SEMA3A: variants seen among roughly 807,000 people sequenced by gnomAD.
SEMA3A encodes the protein semaphorin-3A.
A neutral mutation model predicts 97.9 loss-of-function variants in SEMA3A; 29 were observed. That is an observed-to-expected ratio of 0.30 (90% CI 0.22 to 0.40). The LOEUF is 0.40. SEMA3A is among the 10% of genes least tolerant of loss of function. The probability of loss-of-function intolerance (pLI) is 1.00; values close to 1 mark genes in which losing one functional copy is unlikely to be tolerated. For synonymous variants in SEMA3A, 321 were observed against 323.7 expected, an observed-to-expected ratio of 0.99 and a Z score of 0.09; for missense variants, 763 against 951.3, an observed-to-expected ratio of 0.80 and a Z score of 2.60.
intron 4 of SEMA3A, among the ~76,000 whole-genome samples, chr7:84,081,852 T>C (rs886160163): frequency 2.0e-5 from 3 of 152,100 alleles, no homozygotes; most frequent in Non-Finnish European, 2.9e-5. Context: ...TATGACTTAA[T>C]GTTACATGTT....
intron 5 of SEMA3A, among the ~76,000 whole-genome samples, chr7:84,049,736 T>C (rs7458431): frequency 0.55 from 83,213 of 151,218 alleles, 25,004 homozygotes; most frequent in Non-Finnish European, 0.67. Flanking sequence ...TATTATACTT[T>C]AAGTTTTAGG....
intron 2 of SEMA3A, among the ~76,000 whole-genome samples, chr7:84,329,990 T>C (rs1345006005): frequency 6.6e-6 from 1 of 151,992 alleles, no homozygotes; most frequent in Non-Finnish European, 1.5e-5. Flanking sequence ...ATAATAGTGA[T>C]TTTGGGCCAA....
intron 1 of SEMA3A, among the ~76,000 whole-genome samples, chr7:84,490,197 A>G (rs1011102614): frequency 1.5e-5 from 2 of 130,488 alleles, no homozygotes; most frequent in African/African-American, 6.1e-5. Context: ...ATGCTTTTCC[A>G]GCAAAAAAAA....
rs145087339 is a variant in SEMA3A, at chr7:83,996,478, T to C, written c.1452+5477A>G. ...CCACCACGCCAGGCTAATTTTTGTA[T>C]TGTTAGTAGAGACGGGGTTTCATTA... is the stretch of plus-strand genomic sequence containing the variant. On this transcript the variant is annotated intron_variant, in intron 12 of 16. Coordinates refer to ENST00000265362, the MANE Select transcript of SEMA3A (RefSeq NM_006080.3). Among the ~76,000 whole-genome samples, 1,035 of 152,034 alleles carry C rather than the reference T, an allele frequency of 6.8e-3. 2 individuals carry two copies. The highest frequency in any genetic ancestry group is 0.011 in the Non-Finnish European group (730 of 67,990).
chr7:83,995,843 C>T (rs1432216630), intron 12 of SEMA3A, among the ~76,000 whole-genome samples: 1 of 152,126 alleles, frequency 6.6e-6, no homozygotes, highest in African/African-American at 2.4e-5. Flanking sequence ...TCTGACATAG[C>T]CTATTGGAGG....
intron 3 of SEMA3A, among the ~76,000 whole-genome samples, chr7:84,277,896 C>A (rs73384863): frequency 8.5e-4 from 129 of 152,214 alleles, no homozygotes; most frequent in African/African-American, 2.9e-3. Context: ...ATGCAAATTG[C>A]TCTAGCAAGT....
intron 3 of SEMA3A, among the ~76,000 whole-genome samples, chr7:84,126,409 T>C (rs1282340312): frequency 6.6e-6 from 1 of 152,114 alleles, no homozygotes; most frequent in East Asian, 1.9e-4. Flanking sequence ...CTTCACCATG[T>C]TGGCCAGGCT....
chr7:83,977,242 C>G, intron 14 of SEMA3A, 46 bp from the exon 15 acceptor site: 3 of 1,146,088 alleles, frequency 2.6e-6, no homozygotes, highest in Non-Finnish European at 3.7e-6. Flanking sequence ...CTTATTTTTC[C>G]CTTCTAGGAA....
chr7:83,983,447 T>C (rs911698236), intron 13 of SEMA3A, among the ~76,000 whole-genome samples: 2 of 152,072 alleles, frequency 1.3e-5, no homozygotes, highest in Non-Finnish European at 2.9e-5. Context: ...AAATGTATAT[T>C]TATAGATTTT....
At chr7:84,119,234 T>A (rs1795526315) in intron 3 of SEMA3A, among the ~76,000 whole-genome samples, 1 of 152,194 alleles carries the variant, frequency 6.6e-6, no homozygotes, top group Non-Finnish European at 1.5e-5. Flanking sequence ...TATGCATACA[T>A]AATAGTTACA....
intron 1 of SEMA3A, among the ~76,000 whole-genome samples, chr7:84,473,357 A>ATACTT (rs1448732131): frequency 1.3e-5 from 2 of 149,242 alleles, no homozygotes; most frequent in African/African-American, 2.4e-5. Flanking sequence ...TAAATCTTAT[A>ATACTT]TACTTTATAT....
intron 11 of SEMA3A, 44 bp downstream of exon 11, chr7:84,005,295 A>G (rs147721262): frequency 1.0e-5 from 14 of 1,373,252 alleles, no homozygotes; most frequent in African/African-American, 8.5e-5. Context: ...TCAGTTAAAC[A>G]TAGTGTTCGG....
chr7:83,959,603 G>A lies in SEMA3A; in HGVS notation c.*1768C>T, dbSNP rs945847335. On this transcript the variant is annotated 3_prime_UTR_variant, in exon 17 of 17. Transcript: ENST00000265362. ...AAAACTGAAACATGAGCTTCCATCT[G>A]TGAAATATTTCAGCTGATAGGAAAT... The A allele has an allele frequency of 2.6e-5, 4 of 152,074 alleles. No individual in the cohort carries two copies. The highest frequency in any genetic ancestry group is 7.2e-5 in the African/African-American group (3 of 41,442). 9.4% of individuals were successfully genotyped at this position (152,074 alleles called of 1,614,324 possible).
intron 1 of SEMA3A, among the ~76,000 whole-genome samples, chr7:84,143,725 G>C (rs1055525737): frequency 4.0e-5 from 6 of 151,646 alleles, no homozygotes; most frequent in Non-Finnish European, 1.5e-5. Context: ...CGTGCTTCAG[G>C]CTGAGCAGGG....
chr7:83,975,836 A>T (rs1310164390), intron 15 of SEMA3A, among the ~76,000 whole-genome samples: 1 of 152,174 alleles, frequency 6.6e-6, no homozygotes, highest in African/African-American at 2.4e-5. Flanking sequence ...TTTTCCATGA[A>T]ACAGATTATG....
At chr7:84,234,971 C>T (rs757681295) in intron 3 of SEMA3A, among the ~76,000 whole-genome samples, 1 of 151,940 alleles carries the variant, frequency 6.6e-6, no homozygotes, top group African/African-American at 2.4e-5. Context: ...TGTTTTCCTG[C>T]GTTTTTACTC....
chr7:84,015,698 A>T (rs990903444), intron 6 of SEMA3A, among the ~76,000 whole-genome samples: 1 of 152,210 alleles, frequency 6.6e-6, no homozygotes, highest in Admixed American at 6.5e-5. Flanking sequence ...ATCCACATAT[A>T]ATCCAAGTTA....
chr7:84,463,468 C>T (rs541497385), intron 1 of SEMA3A, among the ~76,000 whole-genome samples: 170 of 151,662 alleles, frequency 1.1e-3, no homozygotes, highest in East Asian at 4.3e-3. Flanking sequence ...CAGGATAGTC[C>T]CGATCTCCTA....
intron 4 of SEMA3A, among the ~76,000 whole-genome samples, chr7:84,109,038 T>A (rs1230096379): frequency 1.3e-5 from 2 of 151,888 alleles, no homozygotes. Context: ...CGGAGGGAGT[T>A]CTCTAGAGCT....
Sources: gnomAD v4.1 joint callset for allele counts (sites outside exome capture counted in the v4.1 genomes callset) on GRCh38, gnomAD v4.1.1 for gene constraint, MANE v1.5 for transcripts, NCBI Gene and HGNC (gene_info 2026-07-23, HGNC 2026-07-21) for gene names.